Variants in BTAF1 observed in about 807,000 individuals in gnomAD.
The protein encoded by BTAF1 is B-TFIID TATA-box binding protein associated factor 1, also known as TATA-binding protein-associated factor 172.
BTAF1 carries 38 observed loss-of-function variants against 227.1 expected under a neutral mutation model. The observed-to-expected ratio is 0.17, with a 90% CI of 0.13 to 0.22. The LOEUF (loss-of-function observed/expected upper bound fraction) is 0.22. Among genes scored for constraint, BTAF1 ranks in the 10% least tolerant of loss-of-function variants. BTAF1 has a pLI of 1.00. For synonymous variants in BTAF1, 742 were observed against 751.9 expected (o/e 0.99, Z 0.21); for missense variants, 1,598 against 2,204.0 (o/e 0.73, Z 5.51).
rs1335364130 is a variant in BTAF1 at position 91,980,905 on chromosome 10, G to T, written c.1755+347G>T. 2.6e-5 allele frequency among the ~76,000 whole-genome samples: 4 copies of T among 152,270 alleles called. No homozygotes were observed. In the East Asian group the frequency reaches 7.7e-4, roughly 29 times the overall value. On this transcript the variant is annotated intron_variant, in intron 15 of 37. Coordinates refer to ENST00000265990, the MANE Select transcript of BTAF1 (RefSeq NM_003972.3). ...TCCTGCAAAGTATCTTTTAGGATCT[G>T]TTGGTAATATAGAGTCTAATTATTG...
At chr10:91,987,129 T>A (rs1848451633) in intron 19 of BTAF1, among the ~76,000 whole-genome samples, 1 of 150,974 alleles carries the variant, frequency 6.6e-6, no homozygotes, top group Non-Finnish European at 1.5e-5. Flanking sequence ...TTTTTTTTTT[T>A]TGACAAAGAT....
chr10:91,958,570 C>T (rs1329931414), intron 8 of BTAF1, among the ~76,000 whole-genome samples: 6 of 151,944 alleles, frequency 3.9e-5, no homozygotes, highest in Non-Finnish European at 5.9e-5. Context: ...GGCGTGGTGG[C>T]GGGCGCCTGA....
At position 91,997,701 on chromosome 10, in the gene BTAF1, T is replaced by C. The variant is rs1217060390; in HGVS notation, c.3610T>C (p.Phe1204Leu). The change falls in exon 25 of 38, where the codon TTC becomes CTC. Residue 1204 changes from phenylalanine to leucine, a missense_variant. Phe to Leu is a conservative substitution (Grantham distance 22). Coordinates refer to ENST00000265990, the MANE Select transcript of BTAF1 (RefSeq NM_003972.3). ...GAGTGATCAGACAGACAGTGTGAGA[T>C]TCATGGCCACGCAGTGCTTTGCAAC... ...RMSDQTDSVR[F>L]MATQCFATLI... The C allele has an allele frequency of 1.2e-6, 2 of 1,614,102 alleles. No individual in the cohort carries two copies. Among genetic ancestry groups the C allele is most frequent in the South Asian group, 2.2e-5 (2 of 91,080 alleles).
intron 20 of BTAF1, 50 bp from the exon 21 acceptor site, chr10:91,992,069 G>A: frequency 7.0e-7 from 1 of 1,425,916 alleles, no homozygotes. Flanking sequence ...GAAAACATTT[G>A]GTATCACCAA....
intron 24 of BTAF1, 78 bp from the exon 25 acceptor site, chr10:91,997,525 T>G (rs1280479673): frequency 2.3e-6 from 3 of 1,315,684 alleles, no homozygotes; most frequent in African/African-American, 2.9e-5. Context: ...TTTTAAAAAG[T>G]TAAAATCTTG....
chr10:92,019,912 G>T (rs1260469587), intron 34 of BTAF1, among the ~76,000 whole-genome samples: 1 of 148,520 alleles, frequency 6.7e-6, no homozygotes, highest in Admixed American at 6.7e-5. Context: ...TTTTTAATGG[G>T]GGTCTCACTG....
At chr10:91,950,058 C>T (rs1845640917) in intron 4 of BTAF1, among the ~76,000 whole-genome samples, 1 of 150,114 alleles carries the variant, frequency 6.7e-6, no homozygotes. Flanking sequence ...AGGAGGACTC[C>T]TTAAGTCCAG....
At chr10:92,023,767 C>A (rs1031584768) in intron 34 of BTAF1, among the ~76,000 whole-genome samples, 1 of 152,056 alleles carries the variant, frequency 6.6e-6, no homozygotes, top group South Asian at 2.1e-4. Flanking sequence ...TCTCAAGTAG[C>A]TGGGACTACA....
chr10:91,957,758 CT>C (rs1320851394), intron 8 of BTAF1, among the ~76,000 whole-genome samples: 2 of 152,096 alleles, frequency 1.3e-5, no homozygotes, highest in African/African-American at 4.8e-5. Context: ...TTCTGTTGGC[CT>C]CTGTGTAATT....
chr10:91,979,651 C>G (rs1847939817), intron 14 of BTAF1, among the ~76,000 whole-genome samples: 1 of 152,230 alleles, frequency 6.6e-6, no homozygotes, highest in South Asian at 2.1e-4. Flanking sequence ...TAGAATTTCT[C>G]TGATGGACAT....
chr10:92,027,418 T>A, intron 37 of BTAF1, 118 bp downstream of exon 37: 1 of 906,366 alleles, frequency 1.1e-6, no homozygotes, highest in Non-Finnish European at 1.6e-6. Flanking sequence ...AGATCACCAC[T>A]GGAGGGAATT....
intron 8 of BTAF1, 121 bp from the exon 9 acceptor site, chr10:91,958,944 A>C: frequency 1.3e-6 from 1 of 796,754 alleles, no homozygotes; most frequent in Non-Finnish European, 2.0e-6. Flanking sequence ...ATTCTTGTAA[A>C]GTTCCACTTA....
chr10:92,019,963 C>G (rs1169243725), intron 34 of BTAF1, among the ~76,000 whole-genome samples: 2 of 149,896 alleles, frequency 1.3e-5, no homozygotes, highest in Admixed American at 6.7e-5. Flanking sequence ...CTCAAACGAT[C>G]CTCCCACCTG....
intron 1 of BTAF1, among the ~76,000 whole-genome samples, chr10:91,930,771 T>G (rs1322773792): frequency 6.6e-6 from 1 of 152,170 alleles, no homozygotes; most frequent in Non-Finnish European, 1.5e-5. Context: ...CACAGAAAAG[T>G]AAACATTCAA....
At chr10:91,972,150 A>T (rs943788456) in intron 14 of BTAF1, among the ~76,000 whole-genome samples, 5 of 152,162 alleles carry the variant, frequency 3.3e-5, no homozygotes, top group African/African-American at 1.2e-4. Flanking sequence ...TTACTCACAA[A>T]CTGGTTAGTA....
chr10:92,008,574 C>T (rs556653338), intron 26 of BTAF1, among the ~76,000 whole-genome samples: 37 of 150,256 alleles, frequency 2.5e-4, no homozygotes, highest in African/African-American at 8.6e-4. Context: ...GTCTTGAACT[C>T]CTGGCTTCAA....
At chr10:92,006,640 T>A (rs922507187) in intron 25 of BTAF1, among the ~76,000 whole-genome samples, 4 of 152,236 alleles carry the variant, frequency 2.6e-5, no homozygotes, top group Non-Finnish European at 5.9e-5. Context: ...AAATTGTTTT[T>A]ATTGGAAACT....
At chr10:91,975,968 C>G (rs1294237063) in intron 14 of BTAF1, among the ~76,000 whole-genome samples, 1 of 152,212 alleles carries the variant, frequency 6.6e-6, no homozygotes, top group Admixed American at 6.5e-5. Flanking sequence ...TTCTGACAGT[C>G]TACCTGGAAT....
intron 2 of BTAF1, among the ~76,000 whole-genome samples, chr10:91,937,262 G>A (rs1347254990): frequency 6.6e-6 from 1 of 151,836 alleles, no homozygotes; most frequent in East Asian, 1.9e-4. Flanking sequence ...CAAAGTGCTG[G>A]GATTGCAGGC....
Sources: allele counts gnomAD v4.1 joint callset (sites outside exome capture counted in the v4.1 genomes callset), GRCh38; gene constraint gnomAD v4.1.1; transcripts MANE v1.5; gene names NCBI Gene and HGNC (gene_info 2026-07-23, HGNC 2026-07-21).